Variants in MGAT4A observed in about 807,000 individuals in gnomAD.
MGAT4A encodes alpha-1,3-mannosyl-glycoprotein 4-beta-N-acetylglucosaminyltransferase A.
Under a neutral mutation model 74.1 loss-of-function variants are expected in MGAT4A, and 33 were observed. That is an observed-to-expected ratio of 0.45 (90% CI 0.34 to 0.60). MGAT4A has a LOEUF of 0.60. Among genes scored for constraint, MGAT4A ranks in the 20% least tolerant of loss-of-function variants. The probability of loss-of-function intolerance (pLI) is 0.02; values close to 1 mark genes in which losing one functional copy is unlikely to be tolerated. For missense variants in MGAT4A, 479 were observed against 628.3 expected (o/e 0.76, Z 2.54); for synonymous variants, 198 against 210.4 (o/e 0.94, Z 0.51).
intron 4 of MGAT4A, among the ~76,000 whole-genome samples, chr2:98,674,620 A>C (rs1701954435): frequency 6.6e-6 from 1 of 152,230 alleles, no homozygotes; most frequent in Non-Finnish European, 1.5e-5. Context: ...TACTCCATAA[A>C]AAGTTACATA....
At chr2:98,661,663 T>TG (rs1478829866) in intron 5 of MGAT4A, among the ~76,000 whole-genome samples, 1 of 152,204 alleles carries the variant, frequency 6.6e-6, no homozygotes, top group Non-Finnish European at 1.5e-5. Context: ...GTTCATTAAT[T>TG]GGAGCTTTGT....
rs140000007 is a variant in MGAT4A at position 98,639,891 on chromosome 2, C to T, written c.1239G>A (p.Met413Ile). The T allele has an allele frequency of 1.8e-4, 296 of 1,614,166 alleles. 1 individual carries two copies. The African/African-American group carries it at 3.6e-3, about 20-fold the overall frequency. ...TGATAGCCCAGAAGAAATCCTCTCC[C>T]ATGTAAGTTTTCTCCAGCGTATGCC... is the stretch of plus-strand genomic sequence containing the variant. ...YQGHTLEKTY[M>I]GEDFFWAITP... is the part of the protein sequence containing the mutation. The change falls in exon 12 of 16, where the codon ATG becomes ATA. Residue 413 changes from methionine (M) to isoleucine (I), a missense_variant. Around this residue, in one of 3 missense-constraint regions of MGAT4A, gnomAD observed 236 missense variants for 308.2 expected, o/e 0.77. Transcript: ENST00000393487.
chr2:98,664,072 T>C (rs1300900342), intron 4 of MGAT4A, among the ~76,000 whole-genome samples: 1 of 151,820 alleles, frequency 6.6e-6, no homozygotes, highest in African/African-American at 2.4e-5. Context: ...CTGGGCATGG[T>C]GGCGCACACC....
intron 10 of MGAT4A, among the ~76,000 whole-genome samples, chr2:98,641,052 C>T (rs1701399620): frequency 6.6e-6 from 1 of 152,138 alleles, no homozygotes; most frequent in Non-Finnish European, 1.5e-5. Flanking sequence ...TGTTTCAACT[C>T]GTAGTGCCCC....
intron 14 of MGAT4A, among the ~76,000 whole-genome samples, chr2:98,631,674 C>G (rs1011788921): frequency 3.9e-5 from 6 of 152,198 alleles, no homozygotes; most frequent in Non-Finnish European, 8.8e-5. Context: ...CAGGGGAAAA[C>G]CATCTCCCTT....
At chr2:98,658,507 G>C (rs1056624935) in intron 5 of MGAT4A, among the ~76,000 whole-genome samples, 4 of 152,070 alleles carry the variant, frequency 2.6e-5, no homozygotes, top group African/African-American at 9.7e-5. Flanking sequence ...GCATTCACTA[G>C]GAAAACTGAA....
In MGAT4A at chr2:98,625,829, A is replaced by G; in HGVS notation, c.1475T>C (p.Phe492Ser). Residue 492 changes from phenylalanine to serine, a missense_variant, in exon 15 of 16, where the codon TTT becomes TCT. Physicochemically the swap from Phe to Ser is radical, Grantham distance 155. Transcript: ENST00000393487. Reference sequence around the variant, plus strand: ...CATTCCTTCTGCAACACCATTCTCAAATTTTCCTTCAAAATAAAAATCAAT... The same window carrying G: ...CATTCCTTCTGCAACACCATTCTCAGATTTTCCTTCAAAATAAAAATCAAT... ...LEDGYFRIGK[F>S]ENGVAEGMVD... 6.2e-7 allele frequency: 1 copy of G among 1,606,202 alleles called. No individual in the cohort carries two copies. Among genetic ancestry groups the G allele is most frequent in the Non-Finnish European group, 8.5e-7 (1 of 1,173,852 alleles).
chr2:98,640,038 C>A, intron 11 of MGAT4A, 37 bp from the exon 12 acceptor site: 1 of 1,555,336 alleles, frequency 6.4e-7, no homozygotes, highest in Non-Finnish European at 8.8e-7. Flanking sequence ...AAATAATACA[C>A]AGCTTATTTA....
chr2:98,661,256 TAAC>T (rs1236958354), intron 5 of MGAT4A, among the ~76,000 whole-genome samples: 20 of 152,076 alleles, frequency 1.3e-4, no homozygotes, highest in Non-Finnish European at 5.9e-5. Flanking sequence ...AGACAAAAGA[TAAC>T]AAGTATTAGG....
intron 4 of MGAT4A, among the ~76,000 whole-genome samples, chr2:98,670,689 AG>A (rs987860500): frequency 6.6e-6 from 1 of 152,026 alleles, no homozygotes; most frequent in Non-Finnish European, 1.5e-5. Flanking sequence ...ATCTCATGAC[AG>A]TTTTTTTTCT....
At chr2:98,727,412 T>G (rs1702782323) in intron 1 of MGAT4A, among the ~76,000 whole-genome samples, 1 of 152,172 alleles carries the variant, frequency 6.6e-6, no homozygotes, top group Non-Finnish European at 1.5e-5. Flanking sequence ...TAATAGGTTC[T>G]CAAAAAATGT....
At chr2:98,677,398 T>C (rs900585640) in intron 3 of MGAT4A, among the ~76,000 whole-genome samples, 1 of 152,238 alleles carries the variant, frequency 6.6e-6, no homozygotes, top group Non-Finnish European at 1.5e-5. Context: ...TTAATCTCAT[T>C]TTCAAAAGAT....
At chr2:98,626,131 T>C (rs754317476) in intron 14 of MGAT4A, among the ~76,000 whole-genome samples, 1 of 152,230 alleles carries the variant, frequency 6.6e-6, no homozygotes, top group East Asian at 1.9e-4. Flanking sequence ...TTTTAAACTA[T>C]AGGTTTTTTG....
chr2:98,691,983 A>G (rs992989035), intron 2 of MGAT4A, among the ~76,000 whole-genome samples: 2 of 152,258 alleles, frequency 1.3e-5, no homozygotes, highest in Non-Finnish European at 2.9e-5. Flanking sequence ...ATGAATATAA[A>G]AAACAAAATA....
intron 5 of MGAT4A, among the ~76,000 whole-genome samples, chr2:98,660,418 G>GCACACACACACACA (rs534943882): frequency 9.2e-5 from 13 of 141,642 alleles, no homozygotes; most frequent in Non-Finnish European, 2.0e-4. Flanking sequence ...ACACGCACGC[G>GCACACACACACACA]CACACACACA....
chr2:98,708,370 GTT>G (rs1702469630), intron 2 of MGAT4A, among the ~76,000 whole-genome samples: 1 of 151,992 alleles, frequency 6.6e-6, no homozygotes, highest in African/African-American at 2.4e-5. Context: ...CTGATAATGT[GTT>G]TTATTTTAAT....
At chr2:98,635,679 A>T (rs1466955875) in intron 13 of MGAT4A, among the ~76,000 whole-genome samples, 1 of 152,180 alleles carries the variant, frequency 6.6e-6, no homozygotes, top group African/African-American at 2.4e-5. Context: ...AAATACAAAC[A>T]GCAAGTAAAC....
intron 2 of MGAT4A, among the ~76,000 whole-genome samples, chr2:98,724,149 A>G (rs578023569): frequency 6.6e-5 from 10 of 152,352 alleles, no homozygotes; most frequent in Admixed American, 2.0e-4. Context: ...TTAATAGCAT[A>G]TAATATAGGG....
At chr2:98,629,486 T>G (rs1701195937) in intron 14 of MGAT4A, among the ~76,000 whole-genome samples, 1 of 152,214 alleles carries the variant, frequency 6.6e-6, no homozygotes, top group South Asian at 2.1e-4. Context: ...TTGCAAAACT[T>G]GGAACATTTT....
Sources: allele counts gnomAD v4.1 joint callset (sites outside exome capture counted in the v4.1 genomes callset), GRCh38; gene constraint gnomAD v4.1.1; regional missense constraint gnomAD v4.1.1; transcripts MANE v1.5; gene names NCBI Gene and HGNC (gene_info 2026-07-23, HGNC 2026-07-21).